Variants in TICRR observed in about 807,000 individuals in gnomAD.
TICRR encodes the protein treslin.
In TICRR, 132 loss-of-function variants were observed where a neutral mutation model predicts 178.1. The ratio of observed to expected loss-of-function variants is 0.74; its 90% CI spans 0.64 to 0.86. The LOEUF (loss-of-function observed/expected upper bound fraction) is 0.86. Among genes scored for constraint, TICRR ranks in the 40% least tolerant of loss-of-function variants. TICRR has a pLI of 0.00. For synonymous variants in TICRR, 991 were observed against 900.7 expected, an observed-to-expected ratio of 1.10 and a Z score of -1.79; for missense variants, 2,587 against 2,334.3, an observed-to-expected ratio of 1.11 and a Z score of -2.23.
intron 6 of TICRR, 52 bp downstream of exon 6, chr15:89,594,606 G>GT (rs770446421): frequency 1.4e-6 from 2 of 1,438,990 alleles, no homozygotes; most frequent in East Asian, 2.4e-5. Context: ...GAGACTGTAT[G>GT]TTTTAAAAGA....
At chr15:89,606,712 T>C in intron 13 of TICRR, 56 bp from the exon 14 acceptor site, 1 of 1,404,196 alleles carries the variant, frequency 7.1e-7, no homozygotes, top group East Asian at 2.3e-5. Context: ...ATCTTTATTC[T>C]TTTATTTCAA....
chr15:89,616,401 T>G lies in TICRR; in HGVS notation c.2870-4T>G. ...TTATGATTTAAGCTGTGTTTACATTTTAGGTTATCACAAACTGCTGACTAA... is the reference window on the plus strand; with the variant it reads ...TTATGATTTAAGCTGTGTTTACATTGTAGGTTATCACAAACTGCTGACTAA... On this transcript the variant is annotated splice_region_variant and splice_polypyrimidine_tract_variant and intron_variant, in intron 15 of 21. Transcript: ENST00000268138. 1 of 1,612,980 alleles carries G rather than the reference T, an allele frequency of 6.2e-7. No individual in the cohort carries two copies. Among genetic ancestry groups the G allele is most frequent in the Non-Finnish European group, 8.5e-7 (1 of 1,178,970 alleles).
intron 1 of TICRR, 59 bp downstream of exon 1, chr15:89,576,299 A>T: frequency 6.9e-7 from 1 of 1,452,830 alleles, no homozygotes; most frequent in Non-Finnish European, 9.1e-7. Context: ...GCTAACCAGA[A>T]CTTGGCAGCG....
At chr15:89,626,186 G>A (rs772135533) in intron 21 of TICRR, 125 bp downstream of exon 21, 7 of 1,040,160 alleles carry the variant, frequency 6.7e-6, no homozygotes, top group Middle Eastern at 4.4e-4. Context: ...GTGACTTCGC[G>A]CCTACAGCGT....
At chr15:89,619,942 T>C (rs1963398166) in intron 18 of TICRR, 100 bp downstream of exon 18, 1 of 1,425,562 alleles carries the variant, frequency 7.0e-7, no homozygotes, top group East Asian at 2.3e-5. Context: ...TTTCTTGACA[T>C]TGGAGAAGTA....
intron 1 of TICRR, chr15:89,579,695 A>G (rs1180912772): frequency 6.6e-6 from 1 of 152,004 alleles, no homozygotes; most frequent in Non-Finnish European, 1.5e-5. Context: ...TCATGGAGTA[A>G]TGGGTGTCAT....
In TICRR at chr15:89,625,644, G is replaced by A. The variant is rs770022537; in HGVS notation, c.5334G>A (p.Leu1778=). ...TGAGTTCCAGGAAGAGAGTCCTGTTGGCCAAGGAAGAAGCTGACCGTGGAG... is the reference window on the plus strand; with the variant it reads ...TGAGTTCCAGGAAGAGAGTCCTGTTAGCCAAGGAAGAAGCTGACCGTGGAG... ...FGLSSRKRVL[L]AKEEADRGAK... The change falls in exon 20 of 22, where the codon TTG becomes TTA. Residue 1778 remains leucine (L), a synonymous_variant. Transcript: ENST00000268138. The A allele has an allele frequency of 7.4e-6, 12 of 1,613,472 alleles. No individual in the cohort carries two copies. Among genetic ancestry groups the A allele is most frequent in the Non-Finnish European group, 1.0e-5 (12 of 1,180,032 alleles).
chr15:89,587,793 A>C (rs1301780103), intron 4 of TICRR, among the ~76,000 whole-genome samples: 1 of 152,192 alleles, frequency 6.6e-6, no homozygotes, highest in African/African-American at 2.4e-5. Flanking sequence ...AAAGAGGAAA[A>C]CAGCAAGTGT....
intron 13 of TICRR, among the ~76,000 whole-genome samples, chr15:89,605,717 ATAAG>A (rs1377450495): frequency 6.6e-6 from 1 of 150,938 alleles, no homozygotes; most frequent in Non-Finnish European, 1.5e-5. Flanking sequence ...ATTAATCAAT[ATAAG>A]TAAGAATGAT....
chr15:89,578,095 GAA>G (rs1186776162), intron 1 of TICRR, among the ~76,000 whole-genome samples: 1 of 152,152 alleles, frequency 6.6e-6, no homozygotes, highest in Non-Finnish European at 1.5e-5. Flanking sequence ...CAGTGTGAGA[GAA>G]AGTCAGAAAG....
chr15:89,607,546 G>T (rs1459229146), intron 14 of TICRR, among the ~76,000 whole-genome samples: 1 of 152,084 alleles, frequency 6.6e-6, no homozygotes, highest in Non-Finnish European at 1.5e-5. Flanking sequence ...ACCAAATTTG[G>T]CTTTCAGGTC....
intron 14 of TICRR, among the ~76,000 whole-genome samples, chr15:89,608,531 G>T (rs1006321151): frequency 6.6e-5 from 10 of 152,210 alleles, no homozygotes; most frequent in African/African-American, 2.4e-4. Context: ...AAATGATGCT[G>T]AGACAACTGG....
intron 1 of TICRR, among the ~76,000 whole-genome samples, chr15:89,576,769 G>T (rs759572650): frequency 1.4e-5 from 2 of 146,478 alleles, no homozygotes; most frequent in East Asian, 2.0e-4. Flanking sequence ...TACCTCAGAG[G>T]CAAGCAGCAG....
intron 4 of TICRR, among the ~76,000 whole-genome samples, chr15:89,590,086 G>A (rs1567041974): frequency 6.6e-6 from 1 of 152,136 alleles, no homozygotes; most frequent in African/African-American, 2.4e-5. Context: ...GAAGGGTTGA[G>A]GCTGTGGTAT....
At chr15:89,607,997 T>C (rs1442650788) in intron 14 of TICRR, among the ~76,000 whole-genome samples, 2 of 152,194 alleles carry the variant, frequency 1.3e-5, no homozygotes, top group African/African-American at 4.8e-5. Context: ...AATTGAACAA[T>C]TCTTTGCTCA....
chr15:89,599,091 C>G (rs1963048876), intron 7 of TICRR, among the ~76,000 whole-genome samples: 1 of 151,868 alleles, frequency 6.6e-6, no homozygotes, highest in Admixed American at 6.6e-5. Flanking sequence ...CCAGATAATT[C>G]TTCGTTGTAG....
In TICRR at chr15:89,623,631, G is replaced by C. The variant is rs1255919747; in HGVS notation, c.3321G>C (p.Lys1107Asn). ...SEVPAAYQTP[K>N]KSHQKSLSFS... ...AGCATTTCTCTTTTCAGACTCCCAA[G>C]AAGAGTCACCAGAAATCTCTGAGCT... The change falls in exon 20 of 22, where the codon AAG becomes AAC. Residue 1107 changes from lysine (K) to asparagine (N), a missense_variant. By Grantham distance (94) the Lys-to-Asn change is moderately conservative. Coordinates refer to ENST00000268138, the MANE Select transcript of TICRR (RefSeq NM_152259.4). 1 of 1,606,542 alleles carries C rather than the reference G, an allele frequency of 6.2e-7. No homozygotes were observed. The highest frequency in any genetic ancestry group is 2.2e-5 in the East Asian group (1 of 44,830).
At chr15:89,613,852 G>A (rs1963292534) in intron 15 of TICRR, among the ~76,000 whole-genome samples, 1 of 148,476 alleles carries the variant, frequency 6.7e-6, no homozygotes, top group Non-Finnish European at 1.5e-5. Flanking sequence ...ATTTAAAACA[G>A]CTGATTTAAA....
At position 89,585,705 on chromosome 15, in the gene TICRR, T is replaced by C. The variant is rs771054801; in HGVS notation, c.1177-3T>C. The C allele has an allele frequency of 6.2e-6, 10 of 1,608,742 alleles. No individual in the cohort carries two copies. Among genetic ancestry groups the C allele is most frequent in the Non-Finnish European group, 8.5e-6 (10 of 1,175,170 alleles). On this transcript the variant is annotated splice_polypyrimidine_tract_variant and splice_region_variant and intron_variant, in intron 3 of 21. Coordinates refer to ENST00000268138, the MANE Select transcript of TICRR (RefSeq NM_152259.4). ...TCTCAACTAATTAGGGCTTCTCACGTAGGTTGCTGATGTGGACCCTGGTGA... is the reference window on the plus strand; with the variant it reads ...TCTCAACTAATTAGGGCTTCTCACGCAGGTTGCTGATGTGGACCCTGGTGA...
Sources: gnomAD v4.1 joint callset for allele counts (sites outside exome capture counted in the v4.1 genomes callset) on GRCh38, gnomAD v4.1.1 for gene constraint, MANE v1.5 for transcripts, NCBI Gene and HGNC (gene_info 2026-07-23, HGNC 2026-07-21) for gene names.